The following TMPRSS11D variants were observed in gnomAD, a reference collection of about 807,000 sequenced individuals.
TMPRSS11D encodes the protein transmembrane protease serine 11D.
TMPRSS11D carries 32 observed loss-of-function variants against 44.4 expected under a neutral mutation model. That is an observed-to-expected ratio of 0.72 (90% CI 0.54 to 0.97). TMPRSS11D has a LOEUF of 0.97. TMPRSS11D is among the 50% of genes least tolerant of loss of function. TMPRSS11D has a pLI of 0.00. For missense variants in TMPRSS11D, 446 were observed against 502.6 expected (o/e 0.89, Z 1.08); for synonymous variants, 179 against 177.9 (o/e 1.01, Z -0.05).
chr4:67,832,021 CA>C (rs1395949318), intron 7 of TMPRSS11D, among the ~76,000 whole-genome samples: 8 of 152,032 alleles, frequency 5.3e-5, no homozygotes, highest in African/African-American at 1.9e-4. Context: ...TAGAAATTAT[CA>C]AAAATTTCAT....
chr4:67,832,740 G>A (rs977435705), intron 7 of TMPRSS11D, among the ~76,000 whole-genome samples: 1 of 150,076 alleles, frequency 6.7e-6, no homozygotes, highest in South Asian at 2.1e-4. Flanking sequence ...ATGGCATGGG[G>A]CAGTCTCTAG....
rs773882891 is a variant in TMPRSS11D at position 67,842,572 on chromosome 4, A to G, written c.303T>C (p.His101=). The change falls in exon 4 of 10, where the codon CAT becomes CAC. Residue 101 remains histidine (H), a synonymous_variant. Coordinates refer to ENST00000283916, the MANE Select transcript of TMPRSS11D (RefSeq NM_004262.3). ...GTTCCACTCACCTCAGTTTGGCAAC[A>G]TGAGCTCTGATGAACTGATTTCTTA... The part of the protein sequence containing the change: ...SNLRNQFIRA[H]VAKLRQDGSG... The G allele has an allele frequency of 1.9e-6, 3 of 1,610,378 alleles. No homozygotes were observed. The highest frequency in any genetic ancestry group is 1.1e-5 in the South Asian group (1 of 89,918).
intron 1 of TMPRSS11D, among the ~76,000 whole-genome samples, chr4:67,872,152 C>T (rs1488299122): frequency 6.6e-6 from 1 of 152,158 alleles, no homozygotes; most frequent in Admixed American, 6.5e-5. Context: ...GAAGCCCATA[C>T]TAGTTTCAAA....
At chr4:67,851,130 T>C (rs1438486209) in intron 3 of TMPRSS11D, among the ~76,000 whole-genome samples, 1 of 152,182 alleles carries the variant, frequency 6.6e-6, no homozygotes, top group Admixed American at 6.5e-5. Flanking sequence ...GTCCTGACAT[T>C]GACTCACCTC....
chr4:67,862,716 A>G (rs1303791647), intron 1 of TMPRSS11D, among the ~76,000 whole-genome samples: 2 of 152,170 alleles, frequency 1.3e-5, no homozygotes, highest in Non-Finnish European at 2.9e-5. Flanking sequence ...ACCATGGAAT[A>G]CTATGCAGCC....
intron 1 of TMPRSS11D, among the ~76,000 whole-genome samples, chr4:67,877,571 C>T (rs1719221343): frequency 6.6e-6 from 1 of 152,174 alleles, no homozygotes. Context: ...ATTTGCAAAG[C>T]TGAATTGATC....
chr4:67,863,328 CAAAAA>C (rs561420216), intron 1 of TMPRSS11D, among the ~76,000 whole-genome samples: 1 of 89,196 alleles, frequency 1.1e-5, no homozygotes, highest in Non-Finnish European at 2.6e-5. Context: ...TGGTCTTGCT[CAAAAA>C]AAAAAAAAAA....
At chr4:67,883,037 GC>G (rs376750797) in intron 1 of TMPRSS11D, among the ~76,000 whole-genome samples, 1,845 of 151,914 alleles carry the variant, frequency 0.012, 36 homozygotes, top group African/African-American at 0.042. Flanking sequence ...ATATTCAAGT[GC>G]ATATAACTGT....
chr4:67,854,601 T>C (rs2109684162), intron 2 of TMPRSS11D, among the ~76,000 whole-genome samples: 1 of 152,306 alleles, frequency 6.6e-6, no homozygotes, highest in East Asian at 1.9e-4. Context: ...AATAATATTC[T>C]TTATTGAGGA....
chr4:67,859,634 A>G lies in TMPRSS11D; in HGVS notation c.53T>C (p.Val18Ala), dbSNP rs755309911. The change falls in exon 2 of 10, where the codon GTA becomes GCA. Residue 18 changes from valine to alanine, a missense_variant. By Grantham distance (64) the Val-to-Ala change is moderately conservative. Transcript: ENST00000283916. ...CCCTGCGACGACAATGAAACATACT[A>G]CATATGGATTCAGAAATCTTGAAGT... ...TSTSRFLNPY[V>A]VCFIVVAGVV... The G allele has an allele frequency of 6.2e-7, 1 of 1,613,208 alleles. No homozygotes were observed. Among genetic ancestry groups the G allele is most frequent in the Non-Finnish European group, 8.5e-7 (1 of 1,179,362 alleles).
At chr4:67,857,969 T>A (rs1447006000) in intron 2 of TMPRSS11D, among the ~76,000 whole-genome samples, 2 of 152,148 alleles carry the variant, frequency 1.3e-5, no homozygotes, top group Non-Finnish European at 2.9e-5. Context: ...ATATCACATG[T>A]ATTCCAGAAA....
chr4:67,849,308 A>AAGG, intron 3 of TMPRSS11D, among the ~76,000 whole-genome samples: 1 of 152,308 alleles, frequency 6.6e-6, no homozygotes, highest in South Asian at 2.1e-4. Context: ...ACAGCCATGT[A>AAGG]AGGATATCAA....
At chr4:67,883,298 A>C (rs1719366032) in intron 1 of TMPRSS11D, among the ~76,000 whole-genome samples, 2 of 152,184 alleles carry the variant, frequency 1.3e-5, no homozygotes, top group South Asian at 4.1e-4. Flanking sequence ...TTGAGATGTT[A>C]ACGTGTGACT....
intron 1 of TMPRSS11D, among the ~76,000 whole-genome samples, chr4:67,865,702 CA>C (rs1718909980): frequency 6.6e-6 from 1 of 151,734 alleles, no homozygotes; most frequent in African/African-American, 2.4e-5. Context: ...TCTATGCTCA[CA>C]AACTAGAAAA....
chr4:67,839,870 G>A (rs937865984), intron 4 of TMPRSS11D, among the ~76,000 whole-genome samples: 1 of 150,676 alleles, frequency 6.6e-6, no homozygotes, highest in Non-Finnish European at 1.5e-5. Flanking sequence ...TAGGGTATAT[G>A]TGCACAACGT....
At chr4:67,826,579 C>T (rs768323213) in intron 8 of TMPRSS11D, among the ~76,000 whole-genome samples, 2 of 151,924 alleles carry the variant, frequency 1.3e-5, no homozygotes, top group African/African-American at 2.4e-5. Flanking sequence ...ATATACACAT[C>T]GAGTTTTTGC....
At chr4:67,845,024 A>T in intron 3 of TMPRSS11D, among the ~76,000 whole-genome samples, 1 of 152,182 alleles carries the variant, frequency 6.6e-6, no homozygotes, top group East Asian at 1.9e-4. Flanking sequence ...AAATTTGATA[A>T]GTGGTTCTTG....
chr4:67,867,514 A>G (rs139468939), intron 1 of TMPRSS11D, among the ~76,000 whole-genome samples: 2,120 of 152,316 alleles, frequency 0.014, 42 homozygotes, highest in African/African-American at 0.042. Context: ...CTGCACAGCA[A>G]AAGAAATAAT....
chr4:67,833,501 G>T, intron 6 of TMPRSS11D, 120 bp from the exon 7 acceptor site: 2 of 985,256 alleles, frequency 2.0e-6, no homozygotes, highest in Non-Finnish European at 2.7e-6. Flanking sequence ...CTCAGGACAT[G>T]CTGGATTTTC....
Sources: allele counts gnomAD v4.1 joint callset (sites outside exome capture counted in the v4.1 genomes callset), GRCh38; gene constraint gnomAD v4.1.1; transcripts MANE v1.5; gene names NCBI Gene and HGNC (gene_info 2026-07-23, HGNC 2026-07-21).